Variants in COL5A2 observed in about 807,000 individuals in gnomAD.
COL5A2 encodes collagen alpha-2(V) chain.
A neutral mutation model predicts 208.2 loss-of-function variants in COL5A2; 23 were observed. The ratio of observed to expected loss-of-function variants is 0.11; its 90% CI spans 0.08 to 0.16. The LOEUF (loss-of-function observed/expected upper bound fraction) is 0.16. COL5A2 is among the 10% of genes least tolerant of loss of function. The pLI, the probability that COL5A2 is intolerant of heterozygous loss-of-function variation, is 1.00. For missense variants in COL5A2, 1,590 were observed against 1,956.4 expected (o/e 0.81, Z 3.53); for synonymous variants, 625 against 628.5 (o/e 0.99, Z 0.08).
the COL5A2 span, among the ~76,000 whole-genome samples, chr2:189,253,727 T>C: frequency 6.6e-6 from 1 of 152,338 alleles, no homozygotes; most frequent in East Asian, 1.9e-4. Flanking sequence ...TTGGTCGAAG[T>C]TCTCTGAAAA....
At chr2:189,434,908 G>A in the COL5A2 span, among the ~76,000 whole-genome samples, 7 of 152,172 alleles carry the variant, frequency 4.6e-5, no homozygotes, top group African/African-American at 7.2e-5. Context: ...GGGGCATCAC[G>A]CTACCTGACT....
the COL5A2 span, among the ~76,000 whole-genome samples, chr2:189,387,570 C>T: frequency 6.6e-6 from 1 of 152,080 alleles, no homozygotes; most frequent in Non-Finnish European, 1.5e-5. Flanking sequence ...ATTCTGTTTG[C>T]TAATATTTTA....
At chr2:189,302,692 A>T in the COL5A2 span, among the ~76,000 whole-genome samples, 1 of 152,174 alleles carries the variant, frequency 6.6e-6, no homozygotes, top group Non-Finnish European at 1.5e-5. Context: ...CACTGTTCTG[A>T]CTAGCATGAT....
At chr2:189,327,072 AAAT>A in the COL5A2 span, among the ~76,000 whole-genome samples, 28,043 of 148,128 alleles carry the variant, frequency 0.19, 2,927 homozygotes, top group South Asian at 0.25. Flanking sequence ...TTCTGTCTCG[AAAT>A]AATAATAATA....
intron 3 of COL5A2, among the ~76,000 whole-genome samples, chr2:189,102,983 G>A (rs1687076027): frequency 6.6e-6 from 1 of 152,034 alleles, no homozygotes. Flanking sequence ...TTGGAGAAAG[G>A]CAGCAAATGA....
At chr2:189,068,963 AT>A in intron 18 of COL5A2, 79 bp from the exon 19 acceptor site, 1 of 1,024,932 alleles carries the variant, frequency 9.8e-7, no homozygotes, top group South Asian at 1.3e-5. Context: ...CTTATTTGGA[AT>A]TTTACATTTG....
the COL5A2 span, among the ~76,000 whole-genome samples, chr2:189,374,346 G>A: frequency 6.6e-6 from 1 of 150,462 alleles, no homozygotes; most frequent in Admixed American, 6.6e-5. Context: ...GATTCCTATA[G>A]TTTCTAAAGT....
At chr2:189,429,219 A>T in the COL5A2 span, among the ~76,000 whole-genome samples, 2 of 152,234 alleles carry the variant, frequency 1.3e-5, no homozygotes, top group Non-Finnish European at 2.9e-5. Flanking sequence ...TGTTGTACAT[A>T]ATAAATACAT....
At chr2:189,238,399 AAT>A in the COL5A2 span, among the ~76,000 whole-genome samples, 4 of 152,106 alleles carry the variant, frequency 2.6e-5, no homozygotes, top group African/African-American at 9.7e-5. Flanking sequence ...ATTAATTCAA[AAT>A]TCAAAAGGAT....
chr2:189,331,842 C>T, the COL5A2 span, among the ~76,000 whole-genome samples: 3 of 151,150 alleles, frequency 2.0e-5, no homozygotes, highest in African/African-American at 4.9e-5. Context: ...CCCAGCTACT[C>T]GGGAGGCCGG....
At chr2:189,043,553 T>A (rs1685603400) in intron 47 of COL5A2, among the ~76,000 whole-genome samples, 1 of 152,144 alleles carries the variant, frequency 6.6e-6, no homozygotes. Context: ...TTTTGTTTGA[T>A]CTAGCCTATC....
the COL5A2 span, among the ~76,000 whole-genome samples, chr2:189,390,277 T>C: frequency 7.3e-3 from 1,106 of 152,252 alleles, 15 homozygotes; most frequent in African/African-American, 0.025. Context: ...AGCAAAGATA[T>C]ACATAGTCAC....
the COL5A2 span, among the ~76,000 whole-genome samples, chr2:189,322,099 G>A: frequency 6.6e-6 from 1 of 152,136 alleles, no homozygotes; most frequent in African/African-American, 2.4e-5. Flanking sequence ...ACGAAATGAA[G>A]GCAGAAATAA....
chr2:189,048,120 A>C, intron 45 of COL5A2, 89 bp downstream of exon 45: 1 of 1,189,488 alleles, frequency 8.4e-7, no homozygotes, highest in Non-Finnish European at 1.2e-6. Context: ...TATTGGAACT[A>C]TCAGGAAAAA....
At chr2:189,043,355 A>G (rs1027381792) in intron 47 of COL5A2, 97 bp from the exon 48 acceptor site, 7 of 775,436 alleles carry the variant, frequency 9.0e-6, no homozygotes, top group African/African-American at 1.8e-5. Context: ...TATTTACTAC[A>G]ATTTTGAACT....
intron 39 of COL5A2, 37 bp from the exon 40 acceptor site, chr2:189,052,839 C>A (rs1176003470): frequency 6.2e-7 from 1 of 1,612,968 alleles, no homozygotes; most frequent in Admixed American, 1.7e-5. Flanking sequence ...TATAGTGAAG[C>A]AAAAGAGGCT....
At chr2:189,325,133 C>T in the COL5A2 span, among the ~76,000 whole-genome samples, 134 of 149,012 alleles carry the variant, frequency 9.0e-4, no homozygotes, top group Admixed American at 1.7e-3. Flanking sequence ...CACTTGGACA[C>T]GGGAAGGGGA....
At chr2:189,406,389 A>C in the COL5A2 span, among the ~76,000 whole-genome samples, 2 of 152,176 alleles carry the variant, frequency 1.3e-5, no homozygotes, top group African/African-American at 2.4e-5. Flanking sequence ...GACACTACTA[A>C]AAGTTGGCTT....
intron 1 of COL5A2, among the ~76,000 whole-genome samples, chr2:189,172,726 T>C (rs1157507629): frequency 6.6e-6 from 1 of 152,142 alleles, no homozygotes; most frequent in Non-Finnish European, 1.5e-5. Flanking sequence ...AAGTAGTGTT[T>C]CCACCAATAA....
Sources: gnomAD v4.1 joint callset for allele counts (sites outside exome capture counted in the v4.1 genomes callset) on GRCh38, gnomAD v4.1.1 for gene constraint, MANE v1.5 for transcripts, NCBI Gene and HGNC (gene_info 2026-07-23, HGNC 2026-07-21) for gene names.